Variants in NBEAL1 observed in about 807,000 individuals in gnomAD.
NBEAL1 encodes the protein neurobeachin-like protein 1.
A neutral mutation model predicts 351.3 loss-of-function variants in NBEAL1; 273 were observed. The ratio of observed to expected loss-of-function variants is 0.78; its 90% CI spans 0.70 to 0.86. The LOEUF (loss-of-function observed/expected upper bound fraction) is 0.86. Ranked by LOEUF, NBEAL1 falls within the 40% of genes least tolerant of loss-of-function variation. The probability of loss-of-function intolerance (pLI) is 0.00; values close to 1 mark genes in which losing one functional copy is unlikely to be tolerated. For synonymous variants in NBEAL1, 1,050 were observed against 1,086.4 expected (o/e 0.97, Z 0.66); for missense variants, 2,961 against 3,201.3 (o/e 0.92, Z 1.81).
Position 203,113,033 on chromosome 2 carries a change from A to T in NBEAL1, c.2221A>T (p.Ile741Phe). The T allele has an allele frequency of 4.7e-6, 7 of 1,488,790 alleles. No homozygotes were observed. Among genetic ancestry groups the T allele is most frequent in the Non-Finnish European group, 6.3e-6 (7 of 1,116,756 alleles). 92.2% of individuals were successfully genotyped at this position (1,488,790 alleles called of 1,614,324 possible). ...TTTTTAGCCCTTTACTTCCTGTTGC[A>T]TTGGTTCAGCTGGGCAAAGAACCAC... The part of the protein sequence containing the change: ...AMNEPFTSCC[I>F]GSAGQRTTTP... The change falls in exon 17 of 56, where the codon ATT (isoleucine) becomes TTT (phenylalanine). Residue 741 changes from isoleucine (I) to phenylalanine (F), a missense_variant. Physicochemically the swap from Ile to Phe is conservative, Grantham distance 21 (BLOSUM62 0). Coordinates refer to ENST00000683969, the MANE Select transcript of NBEAL1 (RefSeq NM_001378026.1).
chr2:203,055,781 T>A (rs1181448834), intron 4 of NBEAL1, among the ~76,000 whole-genome samples: 2 of 152,196 alleles, frequency 1.3e-5, no homozygotes, highest in African/African-American at 2.4e-5. Context: ...TTGTCTTGTT[T>A]TACCTCAGTC....
chr2:203,131,034 A>T (rs2063059465), intron 25 of NBEAL1, among the ~76,000 whole-genome samples: 1 of 152,222 alleles, frequency 6.6e-6, no homozygotes, highest in South Asian at 2.1e-4. Flanking sequence ...AGATTGATCC[A>T]GAGGTGTACT....
intron 12 of NBEAL1, among the ~76,000 whole-genome samples, chr2:203,106,618 T>G (rs2062445880): frequency 1.3e-5 from 2 of 152,260 alleles, no homozygotes; most frequent in Non-Finnish European, 2.9e-5. Context: ...GTCCATATAA[T>G]AGCTGGCATG....
At chr2:203,118,617 A>C (rs1476379517) in intron 18 of NBEAL1, among the ~76,000 whole-genome samples, 1 of 144,316 alleles carries the variant, frequency 6.9e-6, no homozygotes, top group Admixed American at 7.1e-5. Context: ...TTTGAGATGG[A>C]GTCTCGCTCT....
chr2:203,083,623 G>A, intron 9 of NBEAL1, 98 bp downstream of exon 9: 1 of 951,550 alleles, frequency 1.1e-6, no homozygotes, highest in Non-Finnish European at 1.5e-6. Context: ...GGAAAGTATT[G>A]ATTGTTTAAT....
intron 2 of NBEAL1, among the ~76,000 whole-genome samples, chr2:203,033,252 G>A (rs983089977): frequency 1.3e-5 from 2 of 152,180 alleles, no homozygotes; most frequent in South Asian, 2.1e-4. Flanking sequence ...TGCCCACCTC[G>A]GCCTCCCAAA....
intron 10 of NBEAL1, among the ~76,000 whole-genome samples, chr2:203,096,114 C>T (rs1275563987): frequency 1.3e-5 from 2 of 152,084 alleles, no homozygotes; most frequent in African/African-American, 2.4e-5. Context: ...AATAAGCTAG[C>T]GTGGATTATG....
intron 18 of NBEAL1, among the ~76,000 whole-genome samples, chr2:203,120,284 G>GAAAACTAAAGC (rs1436526105): frequency 6.6e-6 from 1 of 152,148 alleles, no homozygotes; most frequent in Non-Finnish European, 1.5e-5. Flanking sequence ...CTGAAGCTCA[G>GAAAACTAAAGC]TAAGATAAGT....
chr2:203,126,716 G>C lies in NBEAL1; in HGVS notation c.3145G>C (p.Gly1049Arg). 1 of 1,506,480 alleles carries C rather than the reference G, an allele frequency of 6.6e-7. No individual in the cohort carries two copies. Among genetic ancestry groups the C allele is most frequent in the East Asian group, 2.5e-5 (1 of 40,558 alleles). The allele number at this position is 1,506,480 out of a possible 1,614,324, so 93.3% of individuals were successfully genotyped here. ...CCGTGGAGATTTTCCCTTTCGAATC[G>C]GTGAGAGCAGGCTTTCAGATAAACA... ...WNRGDFPFRI[G>R]HIQYLSTIIK... The change falls in exon 22 of 56, where the codon GGT becomes CGT. Residue 1049 changes from glycine to arginine, a missense_variant and splice_region_variant. Physicochemically the swap from Gly to Arg is moderately radical, Grantham distance 125. Coordinates refer to ENST00000683969, the MANE Select transcript of NBEAL1 (RefSeq NM_001378026.1).
intron 2 of NBEAL1, among the ~76,000 whole-genome samples, chr2:203,034,306 T>A (rs951852190): frequency 6.8e-6 from 1 of 146,066 alleles, no homozygotes; most frequent in African/African-American, 2.6e-5. Flanking sequence ...TACAGGCGTG[T>A]GCCACCATAT....
At chr2:203,156,374 A>C (rs2063798626) in intron 35 of NBEAL1, among the ~76,000 whole-genome samples, 1 of 152,150 alleles carries the variant, frequency 6.6e-6, no homozygotes, top group African/African-American at 2.4e-5. Flanking sequence ...TCCATCCTTC[A>C]TTCTCCATCC....
At chr2:203,210,377 A>G (rs2065750811) in intron 53 of NBEAL1, among the ~76,000 whole-genome samples, 2 of 141,738 alleles carry the variant, frequency 1.4e-5, no homozygotes, top group South Asian at 4.5e-4. Flanking sequence ...AAAAAAAAAA[A>G]AAGTCTGGGC....
intron 17 of NBEAL1, among the ~76,000 whole-genome samples, chr2:203,115,198 G>A (rs2062663231): frequency 6.6e-6 from 1 of 150,402 alleles, no homozygotes; most frequent in South Asian, 2.1e-4. Flanking sequence ...CACGACCTCA[G>A]CTCACTGCAG....
chr2:203,181,511 T>G (rs1289872623), intron 43 of NBEAL1: 2 of 152,196 alleles, frequency 1.3e-5, no homozygotes, highest in Admixed American at 6.5e-5. Context: ...CAAATCCTTT[T>G]TCTGTGAGGT....
chr2:203,137,970 G>C (rs1487954394), intron 29 of NBEAL1, among the ~76,000 whole-genome samples, 192 bp from the exon 30 acceptor site: 2 of 149,324 alleles, frequency 1.3e-5, no homozygotes, highest in Non-Finnish European at 3.0e-5. Flanking sequence ...GGCGACAAGA[G>C]CGATCTCTGC....
intron 40 of NBEAL1, among the ~76,000 whole-genome samples, chr2:203,172,503 A>G (rs1008719531): frequency 6.6e-6 from 1 of 152,224 alleles, no homozygotes; most frequent in Non-Finnish European, 1.5e-5. Flanking sequence ...CCTGGGTGAC[A>G]GAGCAAGACT....
Position 203,110,139 on chromosome 2 carries a change from AT to A in NBEAL1, c.1950-3del, listed in dbSNP as rs766391728. On this transcript the variant is annotated splice_polypyrimidine_tract_variant and intron_variant, in intron 14 of 55. Transcript: ENST00000683969. ...AACTTTAAAAGTTCTGATAATACGT[AT>A]TTTTTTTAGTTTTTTTACAGGAAGT... 12 of 1,541,006 alleles carry A rather than the reference AT, an allele frequency of 7.8e-6. No individual in the cohort carries two copies. The highest frequency in any genetic ancestry group is 2.5e-5 in the East Asian group (1 of 40,506).
chr2:203,179,026 T>G (rs970321070), intron 42 of NBEAL1, among the ~76,000 whole-genome samples: 2 of 152,198 alleles, frequency 1.3e-5, no homozygotes, highest in Non-Finnish European at 2.9e-5. Flanking sequence ...ATAATTAAAT[T>G]CAAAATTCTG....
At chr2:203,197,755 A>G (rs2065279576) in intron 48 of NBEAL1, among the ~76,000 whole-genome samples, 1 of 152,012 alleles carries the variant, frequency 6.6e-6, no homozygotes, top group Non-Finnish European at 1.5e-5. Flanking sequence ...TAAAAATACA[A>G]AAAATTAGAA....
Sources: gnomAD v4.1 joint callset for allele counts (sites outside exome capture counted in the v4.1 genomes callset) on GRCh38, gnomAD v4.1.1 for gene constraint, MANE v1.5 for transcripts, NCBI Gene and HGNC (gene_info 2026-07-23, HGNC 2026-07-21) for gene names.